Variants in SEM1 observed in about 807,000 individuals in gnomAD.
The protein encoded by SEM1 is 26S proteasome complex subunit SEM1.
In SEM1, 3 loss-of-function variants were observed where a neutral mutation model predicts 12.7. The ratio of observed to expected loss-of-function variants is 0.24; its 90% CI spans 0.11 to 0.61. SEM1 has a LOEUF of 0.61. SEM1 is among the 20% of genes least tolerant of loss of function. The pLI is 0.88. For synonymous variants in SEM1, 30 were observed against 27.8 expected (o/e 1.08, Z -0.25); for missense variants, 59 against 81.3 (o/e 0.73, Z 1.06).
chr7:96,697,100 T>C (rs535792486), intron 1 of SEM1: 17 of 152,048 alleles, frequency 1.1e-4, no homozygotes, highest in Non-Finnish European at 2.4e-4. Flanking sequence ...ATTGCCAGAA[T>C]TGTGATTAAT....
At chr7:96,607,760 C>G (rs1207461144) in intron 2 of SEM1, among the ~76,000 whole-genome samples, 1 of 152,128 alleles carries the variant, frequency 6.6e-6, no homozygotes, top group African/African-American at 2.4e-5. Flanking sequence ...TGGGAGGTGA[C>G]TTCCACACAG....
In SEM1 at chr7:96,640,497, C is replaced by A. The variant is rs891018120; in HGVS notation, c.171-17854G>T. Among the ~76,000 whole-genome samples the A allele has an allele frequency of 2.6e-5, 4 of 151,862 alleles. No individual in the cohort carries two copies. The East Asian group carries it at 5.8e-4, about 22-fold the overall frequency. ...TGAAAATGCCACATACTGTATGATT[C>A]CAACTATATGACATTCTGGAAAAGC... is the stretch of plus-strand genomic sequence containing the variant. On this transcript the variant is annotated intron_variant, in intron 2 of 2. Transcript: ENST00000417009. The surrounding 1 kb of genome is among the most constrained non-coding windows in gnomAD (Gnocchi z 4.0).
chr7:96,693,795 T>C (rs1372548911), intron 2 of SEM1, among the ~76,000 whole-genome samples: 2 of 135,352 alleles, frequency 1.5e-5, no homozygotes, highest in East Asian at 4.2e-4. Context: ...TGTGTGTATA[T>C]ATATATATAT....
At chr7:96,585,383 G>A (rs1437278596) in intron 2 of SEM1, among the ~76,000 whole-genome samples, 3 of 152,210 alleles carry the variant, frequency 2.0e-5, no homozygotes, top group Non-Finnish European at 4.4e-5. Context: ...TGTCAGACAG[G>A]GACATTTAAG....
chr7:96,615,247 T>TTTTTTTTTC, intron 2 of SEM1, among the ~76,000 whole-genome samples: 1 of 60,630 alleles, frequency 1.6e-5, no homozygotes, highest in Non-Finnish European at 3.5e-5. Context: ...TCATCTTTTT[T>TTTTTTTTTC]TTTTTTTTTT....
chr7:96,687,156 G>A (rs1264299448), downstream of SEM1, among the ~76,000 whole-genome samples: 2 of 152,152 alleles, frequency 1.3e-5, no homozygotes, highest in Non-Finnish European at 2.9e-5. Flanking sequence ...GAGAGGATGT[G>A]GAGAAACAGG....
At chr7:96,536,769 C>A (rs73390940) in intron 2 of SEM1, among the ~76,000 whole-genome samples, 3,168 of 151,664 alleles carry the variant, frequency 0.021, 99 homozygotes, top group African/African-American at 0.074. Context: ...TGTGGCATAT[C>A]TTTCTCCATC....
At chr7:96,594,991 T>G (rs1806949805) in intron 2 of SEM1, among the ~76,000 whole-genome samples, 1 of 152,136 alleles carries the variant, frequency 6.6e-6, no homozygotes, top group Admixed American at 6.5e-5. Flanking sequence ...CAAAGTGTAC[T>G]TAAGATTAGT....
At chr7:96,575,053 T>C (rs908629248) in intron 2 of SEM1, among the ~76,000 whole-genome samples, 18 of 152,200 alleles carry the variant, frequency 1.2e-4, no homozygotes, top group African/African-American at 4.1e-4. Flanking sequence ...GTTCTGGTTT[T>C]TGGAATTTTC....
intron 2 of SEM1, among the ~76,000 whole-genome samples, chr7:96,605,322 T>C (rs1807317673): frequency 6.6e-6 from 1 of 152,108 alleles, no homozygotes; most frequent in African/African-American, 2.4e-5. Flanking sequence ...TGAATTTTTT[T>C]CCCCAAAATA....
chr7:96,493,131 A>G (rs1803092836), intron 1 of SEM1, among the ~76,000 whole-genome samples: 2 of 152,028 alleles, frequency 1.3e-5, no homozygotes, highest in South Asian at 2.1e-4. Context: ...TACCCGGCTA[A>G]TTTTTGTATT....
chr7:96,587,665 T>C (rs10249584), intron 2 of SEM1, among the ~76,000 whole-genome samples: 6,470 of 147,528 alleles, frequency 0.044, 340 homozygotes, highest in Admixed American at 0.14. Context: ...TTTTTTTTTT[T>C]CCCCAGGAAA....
intron 2 of SEM1, among the ~76,000 whole-genome samples, chr7:96,530,091 G>A (rs892236473): frequency 4.6e-5 from 7 of 152,034 alleles, no homozygotes; most frequent in Non-Finnish European, 5.9e-5. Flanking sequence ...GCTCCCGTTC[G>A]TGTTACCATT....
chr7:96,595,869 T>G (rs889017396), intron 2 of SEM1, among the ~76,000 whole-genome samples: 2 of 152,190 alleles, frequency 1.3e-5, no homozygotes, highest in African/African-American at 4.8e-5. Flanking sequence ...AAAACTCGGT[T>G]GCATCCATGT....
downstream of SEM1, chr7:96,688,634 A>G (rs1789832685): frequency 4.7e-6 from 1 of 211,592 alleles, no homozygotes; most frequent in Admixed American, 5.9e-5. Flanking sequence ...AGCCTCACTC[A>G]GTTAACATTA....
intron 2 of SEM1, among the ~76,000 whole-genome samples, chr7:96,532,598 T>C (rs1285480898): frequency 1.3e-5 from 2 of 152,140 alleles, no homozygotes; most frequent in Non-Finnish European, 2.9e-5. Flanking sequence ...AAACAGATCT[T>C]CCTGTTGTAG....
At chr7:96,582,286 G>A (rs370647938) in intron 2 of SEM1, among the ~76,000 whole-genome samples, 577 of 147,350 alleles carry the variant, frequency 3.9e-3, no homozygotes, top group South Asian at 0.013. Flanking sequence ...ATTGATTTGC[G>A]TATATTGAAC....
chr7:96,603,225 G>A (rs560028201), intron 2 of SEM1, among the ~76,000 whole-genome samples: 1 of 152,300 alleles, frequency 6.6e-6, no homozygotes, highest in African/African-American at 2.4e-5. Flanking sequence ...CCTGCTCTGA[G>A]ATTTTGTGCT....
intron 2 of SEM1, among the ~76,000 whole-genome samples, chr7:96,648,147 A>C (rs1318563898): frequency 1.3e-5 from 2 of 152,230 alleles, no homozygotes; most frequent in African/African-American, 4.8e-5. Context: ...ATTTAAGGGG[A>C]AAATGGCATT....
Sources: allele counts gnomAD v4.1 joint callset (sites outside exome capture counted in the v4.1 genomes callset), GRCh38; gene constraint gnomAD v4.1.1; non-coding constraint Gnocchi (gnomAD v3.1); transcripts MANE v1.5; gene names NCBI Gene and HGNC (gene_info 2026-07-23, HGNC 2026-07-21).